LRBA: variants seen among roughly 807,000 people sequenced by gnomAD.
The protein encoded by LRBA is lipopolysaccharide-responsive and beige-like anchor protein.
In LRBA, 176 loss-of-function variants were observed where a neutral mutation model predicts 330.0. The ratio of observed to expected loss-of-function variants is 0.53; its 90% CI spans 0.47 to 0.60. The LOEUF is 0.60. Among genes scored for constraint, LRBA ranks in the 20% least tolerant of loss-of-function variants. LRBA has a pLI of 0.00. For missense variants in LRBA, 3,259 were observed against 3,444.8 expected (o/e 0.95, Z 1.35); for synonymous variants, 1,230 against 1,193.0 (o/e 1.03, Z -0.64).
chr4:150,642,684 T>C (rs1778792610), intron 37 of LRBA, among the ~76,000 whole-genome samples: 1 of 151,926 alleles, frequency 6.6e-6, no homozygotes, highest in African/African-American at 2.4e-5. Context: ...AAAAATATTA[T>C]TTAATCTAAA....
At chr4:150,996,382 TA>T (rs1579441173) in intron 2 of LRBA, among the ~76,000 whole-genome samples, 1 of 152,118 alleles carries the variant, frequency 6.6e-6, no homozygotes, top group African/African-American at 2.4e-5. Context: ...AGGTATTGCC[TA>T]AAAAAGCCAT....
At chr4:150,862,705 A>T (rs1006508997) in intron 22 of LRBA, among the ~76,000 whole-genome samples, 1 of 149,846 alleles carries the variant, frequency 6.7e-6, no homozygotes, top group Admixed American at 6.7e-5. Flanking sequence ...GTCCAGGTGC[A>T]GTCACGCACG....
intron 2 of LRBA, among the ~76,000 whole-genome samples, chr4:151,006,524 G>A (rs2149664481): frequency 6.6e-6 from 1 of 151,956 alleles, no homozygotes; most frequent in Middle Eastern, 3.4e-3. Context: ...AAACAAAAAT[G>A]CATTGTGGAC....
chr4:150,957,893 G>T lies in LRBA; in HGVS notation c.217-28828C>A, dbSNP rs1259558570. Among the ~76,000 whole-genome samples, 6 of 149,480 alleles carry T rather than the reference G, an allele frequency of 4.0e-5. 1 individual carries two copies. The highest frequency in any genetic ancestry group is 1.5e-4 in the African/African-American group (6 of 38,822). ...TGTCTCACATCCAGGTCACACTGAT[G>T]CAAGAGGTGGGTTCCCACGGTCTTG... On this transcript the variant is annotated intron_variant, in intron 2 of 56. Transcript: ENST00000651943.
intron 34 of LRBA, among the ~76,000 whole-genome samples, chr4:150,785,892 C>T (rs566439915): frequency 1.3e-5 from 2 of 152,244 alleles, no homozygotes; most frequent in South Asian, 2.1e-4. Context: ...ATCAGTGTTA[C>T]TTGTATTTTG....
rs925000671 is a variant in LRBA at position 150,264,668 on chromosome 4, T to C, written c.*1054A>G. The C allele has an allele frequency of 1.6e-4, 24 of 152,658 alleles. No homozygotes were observed. The highest frequency in any genetic ancestry group is 5.3e-4 in the African/African-American group (22 of 41,458). The allele number at this position is 152,658 out of a possible 1,614,324, so 9.5% of individuals were successfully genotyped here. A position where few individuals can be genotyped will look rare whatever the true frequency, so the allele number is the denominator to read the frequency against. ...GAAATAGAGATCAAAGTTCACAACA[T>C]ACAAAGAATTTATTTATGCAATACA... On this transcript the variant is annotated 3_prime_UTR_variant, in exon 57 of 57. Transcript: ENST00000651943.
intron 35 of LRBA, among the ~76,000 whole-genome samples, chr4:150,740,962 T>C (rs13147122): frequency 0.054 from 8,240 of 152,182 alleles, 320 homozygotes; most frequent in Middle Eastern, 0.12. Context: ...CTGATGCTCA[T>C]ATGGACAAAT....
chr4:150,860,435 G>A (rs1751751465), intron 22 of LRBA, among the ~76,000 whole-genome samples: 1 of 152,104 alleles, frequency 6.6e-6, no homozygotes, highest in Non-Finnish European at 1.5e-5. Context: ...AGTCAGTGTG[G>A]TTCTTGGTCA....
chr4:150,765,341 C>T (rs183162907), intron 34 of LRBA, among the ~76,000 whole-genome samples: 54 of 152,184 alleles, frequency 3.5e-4, no homozygotes, highest in African/African-American at 1.2e-3. Context: ...AGACACACCA[C>T]TACACATTTG....
At chr4:150,558,737 AT>A (rs1767660170) in intron 40 of LRBA, among the ~76,000 whole-genome samples, 1 of 152,194 alleles carries the variant, frequency 6.6e-6, no homozygotes, top group Non-Finnish European at 1.5e-5. Flanking sequence ...ATGTATGCAT[AT>A]ATACCAATCC....
intron 56 of LRBA, among the ~76,000 whole-genome samples, 183 bp from the exon 57 acceptor site, chr4:150,265,995 C>T (rs1745267051): frequency 6.6e-6 from 1 of 152,188 alleles, no homozygotes; most frequent in Non-Finnish European, 1.5e-5. Flanking sequence ...AGAGTACTGC[C>T]TCTGACACTC....
At chr4:150,503,249 C>T (rs13143447) in intron 40 of LRBA, among the ~76,000 whole-genome samples, 39,835 of 152,098 alleles carry the variant, frequency 0.26, 6,684 homozygotes, top group Non-Finnish European at 0.38. Context: ...ACAGGCAGAC[C>T]GCCTCCTCAA....
chr4:150,741,030 C>T (rs1262772495), intron 35 of LRBA, among the ~76,000 whole-genome samples: 1 of 152,166 alleles, frequency 6.6e-6, no homozygotes, highest in East Asian at 1.9e-4. Context: ...GAATCCTAGA[C>T]AAGACCTAAA....
chr4:150,726,452 G>GT (rs1553947207), intron 36 of LRBA, among the ~76,000 whole-genome samples: 6 of 152,160 alleles, frequency 3.9e-5, no homozygotes, highest in Non-Finnish European at 5.9e-5. Context: ...TATAACGATT[G>GT]TAAATAAATA....
At chr4:150,576,828 A>T (rs114197166) in intron 40 of LRBA, among the ~76,000 whole-genome samples, 2,598 of 152,108 alleles carry the variant, frequency 0.017, 79 homozygotes, top group African/African-American at 0.058. Context: ...TGATAGGCTT[A>T]CTGTACAAAA....
At chr4:150,897,476 T>A (rs995600724) in intron 15 of LRBA, among the ~76,000 whole-genome samples, 1 of 151,994 alleles carries the variant, frequency 6.6e-6, no homozygotes. Context: ...ATAGTAAATA[T>A]TTGCTGAATG....
At chr4:150,579,862 GCAA>G (rs1673519304) in intron 40 of LRBA, 1 of 376,708 alleles carries the variant, frequency 2.7e-6, no homozygotes, top group East Asian at 7.4e-5. Context: ...CGAACCAGAC[GCAA>G]CGACGAAGCG....
chr4:150,552,166 T>A lies in LRBA; in HGVS notation c.6330+35882A>T, dbSNP rs535406240. ...CCCTCACCTGGCACTCCTCTCCTGC[T>A]ATGTGGCCCAGTTCCTGACAGGGAA... On this transcript the variant is annotated intron_variant, in intron 40 of 56. Transcript: ENST00000651943. Among the ~76,000 whole-genome samples, 19 of 152,252 alleles carry A rather than the reference T, an allele frequency of 1.2e-4. No homozygotes were observed. In the East Asian group the frequency reaches 1.4e-3, roughly 11 times the overall value.
At chr4:150,871,587 A>G (rs1753448519) in intron 18 of LRBA, 134 bp from the exon 19 acceptor site, 3 of 558,728 alleles carry the variant, frequency 5.4e-6, no homozygotes, top group Non-Finnish European at 1.0e-5. Flanking sequence ...TCTCCCAACT[A>G]TCTTCAATCT....
Sources: allele counts gnomAD v4.1 joint callset (sites outside exome capture counted in the v4.1 genomes callset), GRCh38; gene constraint gnomAD v4.1.1; transcripts MANE v1.5; gene names NCBI Gene and HGNC (gene_info 2026-07-23, HGNC 2026-07-21).